The following LYPD8 variants were observed in gnomAD, a reference collection of about 807,000 sequenced individuals.
LYPD8 encodes ly6/PLAUR domain-containing protein 8.
In LYPD8, 8 loss-of-function variants were observed where a neutral mutation model predicts 1.7. The observed-to-expected ratio is 4.58, with a 90% confidence interval of 2.69 to 8.27. LYPD8 has a LOEUF of 8.27. LYPD8 is among the 30% of genes most tolerant of loss of function. LYPD8 has a pLI of 0.00. For synonymous variants in LYPD8, 50 were observed against 43.6 expected (o/e 1.15, Z -0.58); for missense variants, 112 against 102.3 (o/e 1.09, Z -0.41).
At position 248,739,745 on chromosome 1, in the gene LYPD8, G is replaced by C. The variant is rs782349490; in HGVS notation, c.580C>G (p.Arg194Gly). Residue 194 changes from arginine (R) to glycine (G), a missense_variant, in exon 7 of 7, where the codon CGA (arginine) becomes GGA (glycine). Coordinates refer to ENST00000590317, the MANE Select transcript of LYPD8 (RefSeq NM_001085474.2). This position sits in a 1 kb window ranked among gnomAD's most constrained non-coding sequence, Gnocchi z 4.3. ...TTTACATTTGCACACTCAAACTTTC[G>C]AAAGATGACTCCTCCAAGAGTCTTG... ...ENKTLGGVIFRKFECANVNSL... is the reference protein window; with the variant it reads ...ENKTLGGVIFGKFECANVNSL... 7 of 1,551,602 alleles carry C rather than the reference G, an allele frequency of 4.5e-6. No individual in the cohort carries two copies. The highest frequency in any genetic ancestry group is 1.4e-5 in the African/African-American group (1 of 73,040).
At chr1:248,740,244 G>A (rs1662565209) in intron 6 of LYPD8, among the ~76,000 whole-genome samples, 1 of 152,164 alleles carries the variant, frequency 6.6e-6, no homozygotes, top group African/African-American at 2.4e-5. Context: ...TTCAGGAAGG[G>A]GCCAGCACCT....
At chr1:248,742,582 G>A (rs1421255967) in intron 6 of LYPD8, among the ~76,000 whole-genome samples, 72 of 80,036 alleles carry the variant, frequency 9.0e-4, no homozygotes, top group Non-Finnish European at 1.2e-3. Context: ...ATTATGCTCT[G>A]GTGGGGATGT....
At chr1:248,740,771 AGGGCTGC>A (rs1662580023) in intron 6 of LYPD8, among the ~76,000 whole-genome samples, 1 of 151,788 alleles carries the variant, frequency 6.6e-6, no homozygotes, top group African/African-American at 2.4e-5. Context: ...GGCATGAAGC[AGGGCTGC>A]AATTTGAGTT....
At chr1:248,741,182 G>A (rs1181958400) in intron 6 of LYPD8, among the ~76,000 whole-genome samples, 1 of 152,214 alleles carries the variant, frequency 6.6e-6, no homozygotes, top group Admixed American at 6.5e-5. Flanking sequence ...TCCAAATGCT[G>A]TTTTATAGCA....
chr1:248,753,175 ATC>A (rs1662852241), intron 2 of LYPD8, among the ~76,000 whole-genome samples: 2 of 110,614 alleles, frequency 1.8e-5, no homozygotes, highest in Non-Finnish European at 3.7e-5. Flanking sequence ...CACACACCAC[ATC>A]ACACACACAC....
chr1:248,744,545 GCGT>G (rs1662690119), intron 6 of LYPD8, among the ~76,000 whole-genome samples: 1 of 151,696 alleles, frequency 6.6e-6, no homozygotes, highest in African/African-American at 2.4e-5. Context: ...ACAATGGGTA[GCGT>G]CAAATGTGGA....
At chr1:248,744,490 T>TATCAAATGTGGATCTCACAATGGGTAGC (rs1558206868) in intron 6 of LYPD8, among the ~76,000 whole-genome samples, 14 of 141,622 alleles carry the variant, frequency 9.9e-5, no homozygotes, top group African/African-American at 3.8e-4. Context: ...CAATGGTTAG[T>TATCAAATGTGGATCTCACAATGGGTAGC]ATCAAATGTG....
Position 248,739,972 on chromosome 1 carries a change from GA to G in LYPD8, c.476-124del. On this transcript the variant is annotated intron_variant, in intron 6 of 6. Transcript: ENST00000590317. This position sits in a 1 kb window ranked among gnomAD's most constrained non-coding sequence, Gnocchi z 4.3. ...GACCAGCAAGAGCTGGTGTGCTCCT[GA>G]AGCCCAGGCAGGAAGAAGGAGCCTG... The G allele has an allele frequency of 7.7e-7, 1 of 1,298,096 alleles. No homozygotes were observed. The highest frequency in any genetic ancestry group is 1.1e-6 in the Non-Finnish European group (1 of 951,366). The allele number at this position is 1,298,096 out of a possible 1,614,324, so 80.4% of individuals were successfully genotyped here. A position where few individuals can be genotyped will look rare whatever the true frequency, so the allele number is the denominator to read the frequency against.
At chr1:248,745,114 A>G (rs1279250038) in intron 6 of LYPD8, 28 bp downstream of exon 6, 2 of 398,322 alleles carry the variant, frequency 5.0e-6, no homozygotes, top group African/African-American at 2.1e-5. Context: ...CCCAAGTCCC[A>G]TAGAGGAATT....
rs181480206 is a variant in LYPD8 at position 248,739,512 on chromosome 1, C to T, written c.*99G>A. 5,396 of 1,493,178 alleles carry T rather than the reference C, an allele frequency of 3.6e-3. 25 individuals are homozygous for T. Among genetic ancestry groups the T allele is most frequent in the Middle Eastern group, 5.3e-3 (22 of 4,176 alleles). 92.5% of individuals were successfully genotyped at this position (1,493,178 alleles called of 1,614,324 possible). A position where few individuals can be genotyped will look rare whatever the true frequency, so the allele number is the denominator to read the frequency against. ...GACTCCCACTTACTGGGCAGTTAAA[C>T]GGGGCAGAGCAGGGAAAGAGGGTGT... On this transcript the variant is annotated 3_prime_UTR_variant, in exon 7 of 7. Coordinates refer to ENST00000590317, the MANE Select transcript of LYPD8 (RefSeq NM_001085474.2). The surrounding 1 kb of genome is among the most constrained non-coding windows in gnomAD (Gnocchi z 4.3).
intron 6 of LYPD8, among the ~76,000 whole-genome samples, chr1:248,742,976 A>T (rs1238304256): frequency 1.7e-5 from 1 of 57,562 alleles, no homozygotes; most frequent in Non-Finnish European, 3.1e-5. Flanking sequence ...TCTGGTGGGG[A>T]TGTTGGCAGC....
At chr1:248,749,934 C>G (rs1662769251) in intron 4 of LYPD8, among the ~76,000 whole-genome samples, 1 of 149,950 alleles carries the variant, frequency 6.7e-6, no homozygotes, top group African/African-American at 2.5e-5. Context: ...AAAAAAAAAA[C>G]TATAGCAAAA....
At chr1:248,753,089 TAC>T (rs1662848385) in intron 2 of LYPD8, among the ~76,000 whole-genome samples, 2 of 21,896 alleles carry the variant, frequency 9.1e-5, no homozygotes, top group Admixed American at 5.0e-4. Context: ...CACACCACAC[TAC>T]ACACACACCA....
At chr1:248,749,980 A>G (rs1489094380) in intron 4 of LYPD8, among the ~76,000 whole-genome samples, 1 of 152,114 alleles carries the variant, frequency 6.6e-6, no homozygotes, top group African/African-American at 2.4e-5. Context: ...GACACAGGGT[A>G]GTGGTTACAT....
At chr1:248,752,817 A>C (rs1662833179) in intron 2 of LYPD8, among the ~76,000 whole-genome samples, 2 of 73,978 alleles carry the variant, frequency 2.7e-5, no homozygotes, top group African/African-American at 1.3e-4. Flanking sequence ...ACACACACAC[A>C]TCACATCACA....
chr1:248,744,050 TAAAC>T lies in LYPD8; in HGVS notation c.475+1088_475+1091del, dbSNP rs540278751. On this transcript the variant is annotated intron_variant, in intron 6 of 6. Coordinates refer to ENST00000590317, the MANE Select transcript of LYPD8 (RefSeq NM_001085474.2). ...TGTATACTGATAGATGGAGTCCACA[TAAAC>T]AAAAGTTCTTTGGGGTCCTCAATAA... Among the ~76,000 whole-genome samples the T allele has an allele frequency of 5.7e-3, 861 of 152,322 alleles. 7 individuals carry two copies. The highest frequency in any genetic ancestry group is 0.02 in the African/African-American group (819 of 41,556).
intron 4 of LYPD8, among the ~76,000 whole-genome samples, chr1:248,749,442 G>T (rs1319916726): frequency 6.6e-6 from 1 of 152,130 alleles, no homozygotes; most frequent in Non-Finnish European, 1.5e-5. Flanking sequence ...ACCATGGATT[G>T]GATAACCTAT....
chr1:248,754,219 A>AACACAAC (rs1414681592), intron 2 of LYPD8, among the ~76,000 whole-genome samples: 14,919 of 150,148 alleles, frequency 0.099, 977 homozygotes, highest in East Asian at 0.25. Context: ...TGCCACATAC[A>AACACAAC]ACACACCACA....
rs1046820615 is a variant in LYPD8, at chr1:248,750,630, G to A, written c.66C>T (p.Cys22=). ...ATTTTTCCCATGAATTACACTGCAC[G>A]CAGCTCAGAGATTCTGAGGAGACAA... ...VLVAAVESLS[C]VQCNSWEKSC... The change falls in exon 4 of 7, where the codon TGC becomes TGT. Residue 22 remains cysteine, a synonymous_variant. Transcript: ENST00000590317. The A allele has an allele frequency of 1.3e-5, 5 of 398,458 alleles. No homozygotes were observed. The highest frequency in any genetic ancestry group is 2.2e-5 in the Non-Finnish European group (5 of 226,082). 24.7% of individuals were successfully genotyped at this position (398,458 alleles called of 1,614,324 possible).
Sources: allele counts gnomAD v4.1 joint callset (sites outside exome capture counted in the v4.1 genomes callset), GRCh38; gene constraint gnomAD v4.1.1; non-coding constraint Gnocchi (gnomAD v3.1); transcripts MANE v1.5; gene names NCBI Gene and HGNC (gene_info 2026-07-23, HGNC 2026-07-21).